Variants in KAZN observed in about 807,000 individuals in gnomAD.
KAZN encodes the protein kazrin, periplakin interacting protein, also known as kazrin.
KAZN carries 40 observed loss-of-function variants against 87.4 expected under a neutral mutation model. The observed-to-expected ratio is 0.46, with a 90% confidence interval of 0.36 to 0.60. The LOEUF (loss-of-function observed/expected upper bound fraction) is 0.60, where lower values mean the gene tolerates loss of function less well. KAZN is among the 20% of genes least tolerant of loss of function. The pLI is 0.00. For missense variants in KAZN, 898 were observed against 1,073.9 expected, an observed-to-expected ratio of 0.84 and a Z score of 2.29; for synonymous variants, 466 against 458.3, an observed-to-expected ratio of 1.02 and a Z score of -0.22.
chr1:14,418,800 C>T (rs1212801702), intron 2 of KAZN, among the ~76,000 whole-genome samples: 1 of 152,186 alleles, frequency 6.6e-6, no homozygotes, highest in African/African-American at 2.4e-5. Flanking sequence ...ATGAAATTCG[C>T]CTACAGAGAA....
chr1:15,086,354 C>T (rs899192406), intron 8 of KAZN, among the ~76,000 whole-genome samples: 10 of 152,166 alleles, frequency 6.6e-5, no homozygotes, highest in African/African-American at 1.9e-4. Context: ...TGAAGACCCA[C>T]GATCATGAAA....
At chr1:15,012,119 G>T (rs372646140) in intron 2 of KAZN, among the ~76,000 whole-genome samples, 6 of 152,100 alleles carry the variant, frequency 3.9e-5, no homozygotes, top group African/African-American at 1.4e-4. Flanking sequence ...ACCATTCCTC[G>T]TTTTACAAAT....
At chr1:14,556,203 G>A (rs1673861590) in intron 2 of KAZN, among the ~76,000 whole-genome samples, 1 of 150,880 alleles carries the variant, frequency 6.6e-6, no homozygotes. Context: ...TCCGCCTCCT[G>A]GGTTCACACC....
intron 2 of KAZN, among the ~76,000 whole-genome samples, chr1:14,313,499 G>A (rs570023096): frequency 6.6e-5 from 10 of 152,142 alleles, no homozygotes; most frequent in South Asian, 4.2e-4. Flanking sequence ...TGGTGTTTAC[G>A]CCTTTTATAA....
chr1:14,256,313 C>G (rs1372567390), intron 2 of KAZN, among the ~76,000 whole-genome samples: 3 of 152,108 alleles, frequency 2.0e-5, no homozygotes, highest in African/African-American at 7.2e-5. Context: ...TTAATATGCA[C>G]ACTGTTAGCA....
chr1:14,761,798 C>T (rs775582410), intron 1 of KAZN, among the ~76,000 whole-genome samples: 15 of 151,954 alleles, frequency 9.9e-5, no homozygotes, highest in Non-Finnish European at 1.9e-4. Context: ...GCTAAAAACA[C>T]CAAGAGGAAG....
intron 2 of KAZN, among the ~76,000 whole-genome samples, chr1:14,210,061 G>C (rs897517078): frequency 1.3e-5 from 2 of 152,164 alleles, no homozygotes; most frequent in Non-Finnish European, 2.9e-5. Flanking sequence ...AGCATGATGA[G>C]AAAGGAAGAT....
At chr1:14,388,970 A>G (rs557517099) in intron 2 of KAZN, among the ~76,000 whole-genome samples, 1 of 152,236 alleles carries the variant, frequency 6.6e-6, no homozygotes, top group Admixed American at 6.5e-5. Context: ...ATTAATAAGC[A>G]GATTATATAA....
At chr1:14,041,287 C>T (rs1641829692) in intron 1 of KAZN, among the ~76,000 whole-genome samples, 1 of 152,174 alleles carries the variant, frequency 6.6e-6, no homozygotes, top group Non-Finnish European at 1.5e-5. Context: ...GTTGTAATTA[C>T]TATTGTTTCC....
chr1:13,904,941 GTC>G (rs151263462), intron 1 of KAZN, among the ~76,000 whole-genome samples: 2,297 of 151,956 alleles, frequency 0.015, 49 homozygotes, highest in African/African-American at 0.052. Flanking sequence ...TTCCATCTTT[GTC>G]TCTCTGTTGC....
rs193198901 is a variant in KAZN at position 14,282,990 on chromosome 1, C to A, written c.249+102398C>A. 2.6e-5 allele frequency among the ~76,000 whole-genome samples: 4 copies of A among 152,304 alleles called. No homozygotes were observed. The East Asian group carries it at 5.8e-4, about 22-fold the overall frequency. ...TGCCCTTGTCGAGAATGAGGTCAGA[C>A]AAATGAGTTTATTTATTCTCCAGGG... On this transcript the variant is annotated intron_variant, in intron 2 of 16. Coordinates refer to the KAZN transcript ENST00000636203.
chr1:14,418,536 T>C (rs555691894), intron 2 of KAZN, among the ~76,000 whole-genome samples: 3 of 152,270 alleles, frequency 2.0e-5, no homozygotes, highest in South Asian at 2.1e-4. Context: ...GAAAAGAATA[T>C]TGAAAATTAG....
intron 1 of KAZN, among the ~76,000 whole-genome samples, chr1:14,731,691 G>C (rs1643685799): frequency 6.6e-6 from 1 of 152,232 alleles, no homozygotes; most frequent in Non-Finnish European, 1.5e-5. Flanking sequence ...GTGGGTAGCA[G>C]AGCCTGGGCT....
At chr1:13,927,875 A>G (rs1451612045) in intron 1 of KAZN, among the ~76,000 whole-genome samples, 1 of 152,210 alleles carries the variant, frequency 6.6e-6, no homozygotes, top group East Asian at 1.9e-4. Flanking sequence ...TGAGTGATGG[A>G]AAAGATATGG....
At chr1:14,225,638 G>A (rs964263160) in intron 2 of KAZN, among the ~76,000 whole-genome samples, 3 of 152,156 alleles carry the variant, frequency 2.0e-5, no homozygotes, top group African/African-American at 7.2e-5. Flanking sequence ...ACAGGGTATA[G>A]TAACTAAAAC....
intron 2 of KAZN, among the ~76,000 whole-genome samples, chr1:14,485,214 A>G (rs910036772): frequency 1.3e-5 from 2 of 152,236 alleles, no homozygotes; most frequent in African/African-American, 4.8e-5. Flanking sequence ...GATATCAAAC[A>G]GCATTTCCCT....
chr1:13,987,185 G>A (rs1433325281), intron 1 of KAZN, among the ~76,000 whole-genome samples: 1 of 152,022 alleles, frequency 6.6e-6, no homozygotes, highest in African/African-American at 2.4e-5. Flanking sequence ...TAAGTTCTGG[G>A]ATACATGCAC....
chr1:14,189,061 C>T (rs914619939), intron 2 of KAZN, among the ~76,000 whole-genome samples: 2 of 152,104 alleles, frequency 1.3e-5, no homozygotes, highest in Non-Finnish European at 2.9e-5. Context: ...TTAAATCTGA[C>T]GTTGAACCTG....
intron 1 of KAZN, among the ~76,000 whole-genome samples, chr1:14,732,530 T>C (rs1327492560): frequency 6.6e-6 from 1 of 152,026 alleles, no homozygotes; most frequent in African/African-American, 2.4e-5. Flanking sequence ...TTCCAGCTTC[T>C]AGGGAGGCTG....
Sources: gnomAD v4.1 joint callset for allele counts (sites outside exome capture counted in the v4.1 genomes callset) on GRCh38, gnomAD v4.1.1 for gene constraint, MANE v1.5 for transcripts, NCBI Gene and HGNC (gene_info 2026-07-23, HGNC 2026-07-21) for gene names.